Variants in MBD5 observed in about 807,000 individuals in gnomAD.
MBD5 encodes the protein methyl-CpG-binding domain protein 5.
In MBD5, 13 loss-of-function variants were observed where a neutral mutation model predicts 117.3. That is an observed-to-expected ratio of 0.11 (90% CI 0.07 to 0.18). The LOEUF is 0.18. Among genes scored for constraint, MBD5 ranks in the 10% least tolerant of loss-of-function variants. MBD5 has a pLI of 1.00. For missense variants in MBD5, 1,879 were observed against 2,093.8 expected (o/e 0.90, Z 2.00); for synonymous variants, 727 against 766.4 (o/e 0.95, Z 0.85).
chr2:148,512,401 G>A (rs1171767971), intron 13 of MBD5: 2 of 228,564 alleles, frequency 8.8e-6, no homozygotes, highest in Non-Finnish European at 1.7e-5. Context: ...ATTATAATTT[G>A]TGACCCTTCC....
intron 3 of MBD5, among the ~76,000 whole-genome samples, chr2:148,285,977 A>C (rs1334056013): frequency 6.6e-6 from 1 of 152,108 alleles, no homozygotes; most frequent in Non-Finnish European, 1.5e-5. Flanking sequence ...TGTATAATTT[A>C]GTAAAAATTT....
In MBD5 at chr2:148,489,763, T is replaced by C. The variant is rs1489981026; in HGVS notation, c.4131T>C (p.Ile1377=). 1.9e-6 allele frequency: 3 copies of C among 1,614,018 alleles called. No individual in the cohort carries two copies. The change falls in exon 11 of 14, where the codon ATT becomes ATC. Residue 1377 remains isoleucine, a synonymous_variant. Coordinates refer to ENST00000642680, the MANE Select transcript of MBD5 (RefSeq NM_001378120.1). ...LNLSSAVSAV[I]HGRNMGGVDH... ...TCTCCAGTGCTGTCAGTGCGGTCAT[T>C]CATGGACGGAACATGGGAGGTGTTG...
chr2:148,302,051 C>T (rs1249830624), intron 3 of MBD5, among the ~76,000 whole-genome samples: 5 of 152,238 alleles, frequency 3.3e-5, no homozygotes, highest in Admixed American at 2.0e-4. Flanking sequence ...CTGCCTTGCT[C>T]GTGTCTGACT....
chr2:148,167,169 T>G (rs1301295304), intron 1 of MBD5, among the ~76,000 whole-genome samples: 1 of 152,190 alleles, frequency 6.6e-6, no homozygotes, highest in Non-Finnish European at 1.5e-5. Context: ...AAAACATATC[T>G]ACAGGAAAAG....
chr2:148,459,606 A>C lies in MBD5; in HGVS notation c.113+735A>C, dbSNP rs1707002022. Among the ~76,000 whole-genome samples, 2 of 152,188 alleles carry C rather than the reference A, an allele frequency of 1.3e-5. 1 individual carries two copies. The highest frequency in any genetic ancestry group is 4.1e-4 in the South Asian group (2 of 4,832). On this transcript the variant is annotated intron_variant, in intron 5 of 13. Transcript: ENST00000642680. ...ATAAATCTTTCTTGTGATGTAATGA[A>C]AAATTTTAGAAACAACTTAAAACTT... is the stretch of plus-strand genomic sequence containing the variant.
At chr2:148,286,924 C>T (rs1651660725) in intron 3 of MBD5, among the ~76,000 whole-genome samples, 1 of 152,072 alleles carries the variant, frequency 6.6e-6, no homozygotes, top group African/African-American at 2.4e-5. Flanking sequence ...TGAAGAGCAA[C>T]AAAGGATAAA....
intron 4 of MBD5, among the ~76,000 whole-genome samples, chr2:148,420,943 G>A (rs757288276): frequency 1.3e-5 from 2 of 152,214 alleles, no homozygotes; most frequent in Non-Finnish European, 2.9e-5. Flanking sequence ...TGCCGAGGCT[G>A]GTCTTGAATT....
At chr2:148,472,308 A>G (rs1443334811) in intron 8 of MBD5, 1 of 152,132 alleles carries the variant, frequency 6.6e-6, no homozygotes, top group African/African-American at 2.4e-5. Flanking sequence ...GAGCATATAA[A>G]TAGCTAAAAA....
intron 8 of MBD5, among the ~76,000 whole-genome samples, chr2:148,479,206 G>A (rs1040030425): frequency 3.9e-5 from 6 of 152,080 alleles, no homozygotes; most frequent in South Asian, 2.1e-4. Flanking sequence ...CCCTCTGTGG[G>A]GTGATTTCAA....
intron 3 of MBD5, among the ~76,000 whole-genome samples, chr2:148,242,553 C>T (rs1400758285): frequency 1.3e-5 from 2 of 152,122 alleles, no homozygotes; most frequent in Non-Finnish European, 2.9e-5. Context: ...GAAGATATTA[C>T]TGCAGTATTT....
chr2:148,465,872 A>G (rs1055007832), intron 7 of MBD5, among the ~76,000 whole-genome samples: 10 of 152,270 alleles, frequency 6.6e-5, no homozygotes, highest in African/African-American at 2.4e-4. Flanking sequence ...CTCACATCAC[A>G]TAATATCATA....
chr2:148,488,145 C>A (rs1433865939), intron 10 of MBD5, among the ~76,000 whole-genome samples: 1 of 152,176 alleles, frequency 6.6e-6, no homozygotes, highest in Non-Finnish European at 1.5e-5. Context: ...GGAAGCAGGA[C>A]AGAATTTAGG....
chr2:148,086,811 T>C (rs1340128697), intron 1 of MBD5, among the ~76,000 whole-genome samples: 1 of 152,204 alleles, frequency 6.6e-6, no homozygotes, highest in East Asian at 1.9e-4. Flanking sequence ...GTAGTTCTGG[T>C]ATTTATTTGG....
chr2:148,345,185 T>C (rs1703058253), intron 4 of MBD5, among the ~76,000 whole-genome samples: 1 of 151,434 alleles, frequency 6.6e-6, no homozygotes, highest in African/African-American at 2.4e-5. Flanking sequence ...TATATATGTG[T>C]GTGTGTGTGT....
In MBD5 at chr2:148,259,865, G is replaced by A. The variant is rs115804140; in HGVS notation, c.-680+26470G>A. On this transcript the variant is annotated intron_variant, in intron 3 of 13. Coordinates refer to ENST00000642680, the MANE Select transcript of MBD5 (RefSeq NM_001378120.1). ...ACCTCAGCCTGCTCCTGACTGAAGCGCAGCCATTTCCCTCACAGCTATGTA... is the reference window on the plus strand; with the variant it reads ...ACCTCAGCCTGCTCCTGACTGAAGCACAGCCATTTCCCTCACAGCTATGTA... 9.3e-3 allele frequency among the ~76,000 whole-genome samples: 1,420 copies of A among 152,226 alleles called. 13 individuals are homozygous for A. The highest frequency in any genetic ancestry group is 0.015 in the Non-Finnish European group (1,038 of 68,006).
chr2:148,251,124 G>A (rs759264232), intron 3 of MBD5, among the ~76,000 whole-genome samples: 4 of 152,034 alleles, frequency 2.6e-5, no homozygotes, highest in Non-Finnish European at 5.9e-5. Flanking sequence ...AGGGTGTCGG[G>A]CAAAAGGGTG....
intron 4 of MBD5, among the ~76,000 whole-genome samples, chr2:148,383,426 T>A (rs966985769): frequency 6.6e-6 from 1 of 152,158 alleles, no homozygotes; most frequent in Admixed American, 6.5e-5. Flanking sequence ...AATCTCCAAA[T>A]AGACCAATAA....
At chr2:148,288,154 A>G (rs931516862) in intron 3 of MBD5, among the ~76,000 whole-genome samples, 2 of 150,800 alleles carry the variant, frequency 1.3e-5, no homozygotes, top group African/African-American at 4.9e-5. Context: ...TAATCCCAGC[A>G]CTTTGGGAGG....
intron 1 of MBD5, among the ~76,000 whole-genome samples, chr2:148,137,229 T>C (rs1697192169): frequency 6.6e-6 from 1 of 152,218 alleles, no homozygotes; most frequent in Non-Finnish European, 1.5e-5. Context: ...ATATCATACT[T>C]GCTAGGCTTA....
Sources: allele counts gnomAD v4.1 joint callset (sites outside exome capture counted in the v4.1 genomes callset), GRCh38; gene constraint gnomAD v4.1.1; transcripts MANE v1.5; gene names NCBI Gene and HGNC (gene_info 2026-07-23, HGNC 2026-07-21).